The following SLC25A13 variants were observed in gnomAD, a reference collection of about 807,000 sequenced individuals.
The protein encoded by SLC25A13 is solute carrier family 25 member 13, also known as electrogenic aspartate/glutamate antiporter SLC25A13, mitochondrial.
Under a neutral mutation model 85.5 loss-of-function variants are expected in SLC25A13, and 70 were observed. The ratio of observed to expected loss-of-function variants is 0.82; its 90% CI spans 0.68 to 1.00. The LOEUF (loss-of-function observed/expected upper bound fraction) is 1.00, where lower values mean the gene tolerates loss of function less well. SLC25A13 is among the 50% of genes least tolerant of loss of function. SLC25A13 has a pLI of 0.00. For missense variants in SLC25A13, 765 were observed against 819.8 expected, an observed-to-expected ratio of 0.93 and a Z score of 0.82; for synonymous variants, 259 against 288.7, an observed-to-expected ratio of 0.90 and a Z score of 1.04.
Position 96,197,512 on chromosome 7 carries a change from G to A in SLC25A13, c.469-4329C>T, listed in dbSNP as rs537695072. The stretch of plus-strand genomic sequence containing the variant: ...TGGGAGCTAACACATAGGTTACTCC[G>A]TAAATATGAAAGAAATGTGTGGTCT... On this transcript the variant is annotated intron_variant, in intron 5 of 17. Coordinates refer to ENST00000265631, the MANE Select transcript of SLC25A13 (RefSeq NM_014251.3). Among the ~76,000 whole-genome samples, 5 of 152,262 alleles carry A rather than the reference G, an allele frequency of 3.3e-5. No homozygotes were observed. In the South Asian group the frequency reaches 6.2e-4, roughly 19 times the overall value.
intron 15 of SLC25A13, among the ~76,000 whole-genome samples, chr7:96,124,954 CTTCCT>C (rs1457069391): frequency 3.3e-5 from 5 of 152,144 alleles, no homozygotes; most frequent in African/African-American, 1.2e-4. Flanking sequence ...CACTTTTGTC[CTTCCT>C]TTCATTTGTC....
intron 3 of SLC25A13, among the ~76,000 whole-genome samples, chr7:96,245,624 C>A (rs1797160274): frequency 6.6e-6 from 1 of 152,168 alleles, no homozygotes; most frequent in Admixed American, 6.5e-5. Context: ...TAATAATGTG[C>A]ATGACAAATA....
intron 2 of SLC25A13, among the ~76,000 whole-genome samples, chr7:96,287,592 C>A (rs1798939957): frequency 6.6e-6 from 1 of 152,258 alleles, no homozygotes; most frequent in Non-Finnish European, 1.5e-5. Flanking sequence ...TAGCAGCTGA[C>A]AAAGATACAT....
At chr7:96,244,180 C>A (rs955362436) in intron 3 of SLC25A13, among the ~76,000 whole-genome samples, 7 of 152,058 alleles carry the variant, frequency 4.6e-5, no homozygotes, top group Non-Finnish European at 1.0e-4. Flanking sequence ...GTTTTTAAAG[C>A]CCAGGAGCTG....
rs1798489819 is a variant in SLC25A13 at position 96,277,263 on chromosome 7, C to A, written c.145G>T (p.Gly49Ter). The change falls in exon 3 of 18, where the codon GGA becomes TGA. Residue 49 changes from glycine to a stop codon, truncating the protein, a stop_gained. Transcript: ENST00000265631. LOFTEE classifies it high-confidence loss of function. Reference sequence around the variant, plus strand: ...GTCTTTGGATTAGGCTGGCTTTCTCCAAAAATGTTCAAGTATCGAGTGACA... The same window carrying A: ...GTCTTTGGATTAGGCTGGCTTTCTCAAAAAATGTTCAAGTATCGAGTGACA... ...DFVTRYLNIFGESQPNPKTVE... is the reference protein window; with the variant it reads ...DFVTRYLNIF 3 of 1,611,956 alleles carry A rather than the reference C, an allele frequency of 1.9e-6. No homozygotes were observed. The highest frequency in any genetic ancestry group is 2.5e-6 in the Non-Finnish European group (3 of 1,179,066).
intron 6 of SLC25A13, 56 bp from the exon 7 acceptor site, chr7:96,191,303 T>C (rs1311920295): frequency 3.8e-6 from 6 of 1,574,108 alleles, no homozygotes; most frequent in African/African-American, 1.4e-5. Context: ...TTATAGATGA[T>C]TCAGAAGTAC....
intron 3 of SLC25A13, among the ~76,000 whole-genome samples, chr7:96,262,892 G>A (rs1562886696): frequency 2.0e-5 from 3 of 152,064 alleles, no homozygotes; most frequent in Non-Finnish European, 4.4e-5. Flanking sequence ...AATATGGGCA[G>A]TGAAAATATT....
intron 3 of SLC25A13, among the ~76,000 whole-genome samples, chr7:96,270,731 TAAAC>T (rs1362098213): frequency 6.6e-6 from 1 of 151,980 alleles, no homozygotes; most frequent in Non-Finnish European, 1.5e-5. Flanking sequence ...TATAAATAAA[TAAAC>T]AAAACAAATT....
chr7:96,210,018 CT>C (rs1795628602), intron 4 of SLC25A13, among the ~76,000 whole-genome samples: 2 of 152,032 alleles, frequency 1.3e-5, no homozygotes, highest in Non-Finnish European at 2.9e-5. Flanking sequence ...GTGCCAAAAC[CT>C]TTGGCATAAT....
intron 12 of SLC25A13, among the ~76,000 whole-genome samples, chr7:96,171,046 T>C (rs1793974657): frequency 6.6e-6 from 1 of 152,170 alleles, no homozygotes; most frequent in East Asian, 1.9e-4. Flanking sequence ...GTCAGACAAG[T>C]GTGATTTTAA....
chr7:96,210,856 G>A (rs894582206), intron 4 of SLC25A13, among the ~76,000 whole-genome samples: 1 of 152,034 alleles, frequency 6.6e-6, no homozygotes, highest in Non-Finnish European at 1.5e-5. Flanking sequence ...ATGGTTTTCT[G>A]GTTTATCCTC....
chr7:96,168,278 G>C, intron 13 of SLC25A13, among the ~76,000 whole-genome samples: 1 of 152,006 alleles, frequency 6.6e-6, no homozygotes, highest in East Asian at 1.9e-4. Flanking sequence ...GATTGGGGGG[G>C]AAAAAGGCAA....
intron 13 of SLC25A13, among the ~76,000 whole-genome samples, chr7:96,154,180 A>G (rs1049642279): frequency 6.6e-6 from 1 of 152,162 alleles, no homozygotes; most frequent in Non-Finnish European, 1.5e-5. Flanking sequence ...AGAGGATCTT[A>G]TATCAGTACA....
At chr7:96,312,862 C>G (rs1175243589) in intron 1 of SLC25A13, among the ~76,000 whole-genome samples, 1 of 152,180 alleles carries the variant, frequency 6.6e-6, no homozygotes, top group African/African-American at 2.4e-5. Context: ...TGAATTTGAA[C>G]AGAGAAGATA....
intron 14 of SLC25A13, among the ~76,000 whole-genome samples, chr7:96,142,576 C>A (rs1023673694): frequency 6.6e-6 from 1 of 151,978 alleles, no homozygotes; most frequent in Non-Finnish European, 1.5e-5. Flanking sequence ...TGCTGATATT[C>A]GTAAAATTTT....
intron 4 of SLC25A13, among the ~76,000 whole-genome samples, chr7:96,214,138 T>C (rs1404552443): frequency 6.6e-5 from 10 of 152,198 alleles, no homozygotes; most frequent in Admixed American, 6.5e-4. Context: ...GTTTATATCA[T>C]GAGAAGACAA....
At chr7:96,238,087 T>C (rs533984051) in intron 3 of SLC25A13, among the ~76,000 whole-genome samples, 1 of 152,194 alleles carries the variant, frequency 6.6e-6, no homozygotes, top group Non-Finnish European at 1.5e-5. Context: ...TAGCTGCAAA[T>C]GGAACTAGTT....
intron 12 of SLC25A13, 53 bp from the exon 13 acceptor site, chr7:96,170,178 A>C (rs942306749): frequency 2.3e-5 from 35 of 1,493,966 alleles, no homozygotes; most frequent in Middle Eastern, 1.7e-4. Flanking sequence ...AAAGTCATTA[A>C]ACACTTATAA....
At chr7:96,320,222 G>C (rs1229690839) in intron 1 of SLC25A13, among the ~76,000 whole-genome samples, 1 of 152,132 alleles carries the variant, frequency 6.6e-6, no homozygotes, top group Admixed American at 6.5e-5. Flanking sequence ...GGCCAGGCTG[G>C]TCTCGAACTC....
Sources: allele counts gnomAD v4.1 joint callset (sites outside exome capture counted in the v4.1 genomes callset), GRCh38; gene constraint gnomAD v4.1.1; transcripts MANE v1.5; gene names NCBI Gene and HGNC (gene_info 2026-07-23, HGNC 2026-07-21).